CDC40: variants seen among roughly 807,000 people sequenced by gnomAD.
The protein encoded by CDC40 is pre-mRNA-processing factor 17.
Under a neutral mutation model 80.6 loss-of-function variants are expected in CDC40, and 27 were observed. The ratio of observed to expected loss-of-function variants is 0.33; its 90% CI spans 0.25 to 0.46. The LOEUF is 0.46. CDC40 is among the 20% of genes least tolerant of loss of function. CDC40 has a pLI of 1.00. For missense variants in CDC40, 486 were observed against 694.1 expected (o/e 0.70, Z 3.37); for synonymous variants, 221 against 232.6 (o/e 0.95, Z 0.45).
intron 2 of CDC40, among the ~76,000 whole-genome samples, chr6:110,200,005 C>G (rs1777474946): frequency 6.6e-6 from 1 of 152,142 alleles, no homozygotes; most frequent in South Asian, 2.1e-4. Context: ...ACTGCTACTT[C>G]TAGCATTCAG....
At chr6:110,184,385 T>A (rs1418823663) in intron 1 of CDC40, among the ~76,000 whole-genome samples, 6 of 151,792 alleles carry the variant, frequency 4.0e-5, no homozygotes, top group African/African-American at 1.4e-4. Context: ...TTTTTAGTTT[T>A]GTTTTTTTTT....
Position 110,193,242 on chromosome 6 carries a change from A to G in CDC40, c.250A>G (p.Thr84Ala). The change falls in exon 2 of 15, where the codon ACC (threonine) becomes GCC (alanine). Residue 84 changes from threonine (T) to alanine (A), a missense_variant. This residue lies in a region of CDC40 where 381 missense variants were observed against 492.1 expected (regional missense o/e 0.77). Transcript: ENST00000307731. ...CGTCAAAGAAGTTCAGTATAATCCTACCTATGAGACCATGTTTGCTCCTGA... is the reference window on the plus strand; with the variant it reads ...CGTCAAAGAAGTTCAGTATAATCCTGCCTATGAGACCATGTTTGCTCCTGA... ...PAVKEVQYNP[T>A]YETMFAPEFG... is the part of the protein sequence containing the mutation. 6.2e-7 allele frequency: 1 copy of G among 1,605,540 alleles called. No individual in the cohort carries two copies. The highest frequency in any genetic ancestry group is 8.5e-7 in the Non-Finnish European group (1 of 1,172,240).
intron 5 of CDC40, 95 bp downstream of exon 5, chr6:110,209,318 C>A: frequency 9.2e-7 from 1 of 1,084,806 alleles, no homozygotes; most frequent in Non-Finnish European, 1.4e-6. Flanking sequence ...TTTAGAGAAC[C>A]AAATGACTCA....
intron 5 of CDC40, among the ~76,000 whole-genome samples, chr6:110,210,316 G>A (rs560259074): frequency 1.6e-4 from 25 of 151,938 alleles, no homozygotes; most frequent in South Asian, 6.2e-4. Context: ...TTGGGAGGCC[G>A]AGGCGGGCGC....
At chr6:110,217,178 A>G (rs901560182) in intron 9 of CDC40, among the ~76,000 whole-genome samples, 2 of 152,218 alleles carry the variant, frequency 1.3e-5, no homozygotes, top group Non-Finnish European at 2.9e-5. Context: ...ATCAGTTTCT[A>G]TGAAATTTGG....
At chr6:110,215,176 G>A (rs952409984) in intron 8 of CDC40, 110 bp from the exon 9 acceptor site, 12 of 789,502 alleles carry the variant, frequency 1.5e-5, no homozygotes, top group South Asian at 9.2e-5. Context: ...GAAGCTGTGC[G>A]TTTACACACA....
At chr6:110,185,392 G>A (rs1018447544) in intron 1 of CDC40, among the ~76,000 whole-genome samples, 1 of 151,102 alleles carries the variant, frequency 6.6e-6, no homozygotes, top group Admixed American at 6.6e-5. Flanking sequence ...ACAGGCGCCC[G>A]CCACTACGCC....
At chr6:110,184,351 T>C (rs773742084) in intron 1 of CDC40, among the ~76,000 whole-genome samples, 1 of 152,018 alleles carries the variant, frequency 6.6e-6, no homozygotes, top group African/African-American at 2.4e-5. Context: ...GATAATGTTA[T>C]GTCCGTTCAT....
At chr6:110,185,616 C>T (rs896303007) in intron 1 of CDC40, among the ~76,000 whole-genome samples, 2 of 152,090 alleles carry the variant, frequency 1.3e-5, no homozygotes, top group African/African-American at 4.8e-5. Context: ...TAGTTAGCCA[C>T]CCCTGAACTG....
chr6:110,195,827 C>T (rs1281995687), intron 2 of CDC40, among the ~76,000 whole-genome samples: 1 of 152,036 alleles, frequency 6.6e-6, no homozygotes, highest in Non-Finnish European at 1.5e-5. Flanking sequence ...TAGGATGGTA[C>T]TTTGTATAAC....
intron 12 of CDC40, among the ~76,000 whole-genome samples, chr6:110,225,227 G>A (rs1028168557): frequency 2.2e-4 from 34 of 152,136 alleles, no homozygotes; most frequent in African/African-American, 8.2e-4. Context: ...ACTTGAAACA[G>A]GGTTTGAAAT....
At chr6:110,211,932 C>G (rs959043667) in intron 6 of CDC40, 4 of 512,832 alleles carry the variant, frequency 7.8e-6, no homozygotes, top group Admixed American at 3.4e-5. Flanking sequence ...TTTCGAAATA[C>G]TACCTCTAGT....
At chr6:110,197,416 T>A (rs942011950) in intron 2 of CDC40, among the ~76,000 whole-genome samples, 1 of 152,264 alleles carries the variant, frequency 6.6e-6, no homozygotes, top group African/African-American at 2.4e-5. Flanking sequence ...CATTACTTCA[T>A]GTACTGATCA....
chr6:110,185,241 C>CTTTTTTTTTTT (rs1227694611), intron 1 of CDC40, among the ~76,000 whole-genome samples: 39 of 124,000 alleles, frequency 3.1e-4, no homozygotes, highest in Non-Finnish European at 4.3e-4. Flanking sequence ...ATCTTTTTTT[C>CTTTTTTTTTTT]TTTTTTTTTT....
chr6:110,204,751 T>A (rs1195607896), intron 3 of CDC40, among the ~76,000 whole-genome samples: 2 of 150,572 alleles, frequency 1.3e-5, no homozygotes, highest in Non-Finnish European at 3.0e-5. Flanking sequence ...CCTCTACCTC[T>A]GGGGTTCAGG....
chr6:110,221,698 T>G (rs1777778379), intron 12 of CDC40, among the ~76,000 whole-genome samples: 1 of 152,202 alleles, frequency 6.6e-6, no homozygotes, highest in Non-Finnish European at 1.5e-5. Flanking sequence ...TGTTTCTACC[T>G]TCAGATATTT....
At chr6:110,213,829 A>G (rs1349354853) in intron 8 of CDC40, among the ~76,000 whole-genome samples, 1 of 152,162 alleles carries the variant, frequency 6.6e-6, no homozygotes, top group East Asian at 1.9e-4. Context: ...GGGAAGCTCC[A>G]TCTTTAGCTT....
chr6:110,186,827 A>G (rs951866551), intron 1 of CDC40, among the ~76,000 whole-genome samples: 9 of 152,130 alleles, frequency 5.9e-5, no homozygotes, highest in East Asian at 1.9e-4. Flanking sequence ...TTGTGGATCA[A>G]TTGGTTTGGA....
At chr6:110,209,267 A>G (rs758500016) in intron 5 of CDC40, 44 bp downstream of exon 5, 1 of 1,544,692 alleles carries the variant, frequency 6.5e-7, no homozygotes, top group Non-Finnish European at 8.9e-7. Flanking sequence ...TATACGCTGT[A>G]TCTCTATGAA....
Sources: gnomAD v4.1 joint callset for allele counts (sites outside exome capture counted in the v4.1 genomes callset) on GRCh38, gnomAD v4.1.1 for gene constraint, gnomAD v4.1.1 regional missense constraint, MANE v1.5 for transcripts, NCBI Gene and HGNC (gene_info 2026-07-23, HGNC 2026-07-21) for gene names.